Variants in PPM1F observed in about 807,000 individuals in gnomAD.
PPM1F encodes the protein protein phosphatase 1F.
A neutral mutation model predicts 35.5 loss-of-function variants in PPM1F; 17 were observed. That is an observed-to-expected ratio of 0.48 (90% CI 0.33 to 0.72). The LOEUF is 0.72. Ranked by LOEUF, PPM1F falls within the 30% of genes least tolerant of loss-of-function variation. PPM1F has a pLI of 0.02. For missense variants in PPM1F, 521 were observed against 613.0 expected (o/e 0.85, Z 1.59); for synonymous variants, 241 against 255.5 (o/e 0.94, Z 0.54).
rs905330711 is a variant in PPM1F, at chr22:21,920,862, G to A, written c.*2230C>T. 6.6e-6 allele frequency: 1 copy of A among 152,186 alleles called. No homozygotes were observed. The highest frequency in any genetic ancestry group is 2.4e-5 in the African/African-American group (1 of 41,440). 9.4% of individuals were successfully genotyped at this position (152,186 alleles called of 1,614,324 possible). ...CAGATGCCAATCATTCTCTCTCTTC[G>A]TCAAGGTTATGCCCACGGGCAGGGT... On this transcript the variant is annotated 3_prime_UTR_variant, in exon 8 of 8. Transcript: ENST00000263212.
intron 3 of PPM1F, chr22:21,938,163 T>C (rs941249454): frequency 3.1e-6 from 4 of 1,303,232 alleles, no homozygotes; most frequent in Non-Finnish European, 4.0e-6. Flanking sequence ...GCCCCGAGCG[T>C]AGGACTGGGC....
Position 21,922,899 on chromosome 22 carries a change from G to GC in PPM1F, c.*192dup. On this transcript the variant is annotated 3_prime_UTR_variant, in exon 8 of 8. Transcript: ENST00000263212. The stretch of plus-strand genomic sequence containing the variant: ...TCTCCTAAGCTGCCTTCCACCATCT[G>GC]CCCGCCACCCAGTGCAGTTCCACAG... The GC allele has an allele frequency of 5.8e-6, 4 of 692,542 alleles. No individual in the cohort carries two copies. The highest frequency in any genetic ancestry group is 4.8e-6 in the Non-Finnish European group (2 of 413,026). 42.9% of individuals were successfully genotyped at this position (692,542 alleles called of 1,614,324 possible).
At chr22:21,930,574 G>A (rs944020277) in intron 6 of PPM1F, among the ~76,000 whole-genome samples, 3 of 152,230 alleles carry the variant, frequency 2.0e-5, no homozygotes, top group African/African-American at 7.2e-5. Flanking sequence ...ATAGCTGGTG[G>A]AGAACAGCAC....
intron 3 of PPM1F, 45 bp from the exon 4 acceptor site, chr22:21,934,271 C>G: frequency 1.3e-6 from 2 of 1,498,602 alleles, no homozygotes; most frequent in Non-Finnish European, 1.8e-6. Context: ...GCCAACCAAG[C>G]CAGCTGAGGC....
At chr22:21,925,913 C>T (rs372472264) in intron 6 of PPM1F, 108 of 421,040 alleles carry the variant, frequency 2.6e-4, no homozygotes, top group African/African-American at 1.8e-3. Flanking sequence ...GGCCGCCTAG[C>T]GGTGCCTGCG....
At chr22:21,950,889 T>C (rs1188245027) in intron 1 of PPM1F, 4 of 151,912 alleles carry the variant, frequency 2.6e-5, no homozygotes, top group African/African-American at 9.7e-5. Flanking sequence ...CCTCCCAAAG[T>C]GCTGTGATTA....
chr22:21,932,976 C>G (rs753679240), intron 5 of PPM1F, among the ~76,000 whole-genome samples: 3 of 152,204 alleles, frequency 2.0e-5, no homozygotes, highest in African/African-American at 7.2e-5. Context: ...CTCTGCGCCC[C>G]GACTACCTCA....
At chr22:21,935,132 T>A (rs1038308360) in intron 3 of PPM1F, 1 of 152,042 alleles carries the variant, frequency 6.6e-6, no homozygotes, top group Non-Finnish European at 1.5e-5. Flanking sequence ...GTGGAAATGG[T>A]TAAACAAACC....
chr22:21,945,619 C>G, intron 2 of PPM1F: 1 of 533,006 alleles, frequency 1.9e-6, no homozygotes, highest in Admixed American at 3.7e-5. Context: ...ATCTTGGACT[C>G]TGGCCTCCAG....
At chr22:21,943,654 T>G (rs1405523864) in intron 2 of PPM1F, 2 of 152,548 alleles carry the variant, frequency 1.3e-5, no homozygotes, top group Non-Finnish European at 2.9e-5. Flanking sequence ...GCAGGTCACC[T>G]GCACTGCCTA....
At chr22:21,931,327 G>A (rs545892614) in intron 5 of PPM1F, 36 bp from the exon 6 acceptor site, 3 of 1,592,768 alleles carry the variant, frequency 1.9e-6, no homozygotes, top group East Asian at 2.2e-5. Context: ...GTTGAGAGGA[G>A]GTAGGGAAGG....
At position 21,933,428 on chromosome 22, in the gene PPM1F, C is replaced by T. The variant is rs140855421; in HGVS notation, c.710G>A (p.Arg237His). 79 of 1,612,182 alleles carry T rather than the reference C, an allele frequency of 4.9e-5. No individual in the cohort carries two copies. The highest frequency in any genetic ancestry group is 7.7e-5 in the South Asian group (7 of 91,074). Residue 237 changes from arginine (R) to histidine (H), a missense_variant, in exon 5 of 8, where the codon CGC (arginine) becomes CAC (histidine). Transcript: ENST00000263212. ...PEGALREAFR[R>H]TDQMFLRKAK... Reference sequence around the variant, plus strand: ...TTTCCTGAGAAACATCTGGTCGGTGCGCCGGAAGGCTTCTCTGAGGGCTCC... The same window carrying T: ...TTTCCTGAGAAACATCTGGTCGGTGTGCCGGAAGGCTTCTCTGAGGGCTCC...
At position 21,923,584 on chromosome 22, in the gene PPM1F, A is replaced by G. The variant is rs1304645319; in HGVS notation, c.986-113T>C. On this transcript the variant is annotated intron_variant, in intron 7 of 7. Coordinates refer to ENST00000263212, the MANE Select transcript of PPM1F (RefSeq NM_014634.4). ...CAGGGACAGAGACCAACCTGCTCTC[A>G]TGGGGTCTGGGGTCTGTTGCTCCCT... 8 of 1,217,786 alleles carry G rather than the reference A, an allele frequency of 6.6e-6. No individual in the cohort carries two copies. The Admixed American group carries it at 8.1e-5, about 12-fold the overall frequency. 75.4% of individuals were successfully genotyped at this position (1,217,786 alleles called of 1,614,324 possible).
chr22:21,932,412 G>C (rs990300280), intron 5 of PPM1F, among the ~76,000 whole-genome samples: 2 of 152,184 alleles, frequency 1.3e-5, no homozygotes, highest in African/African-American at 4.8e-5. Flanking sequence ...AGATTGCATG[G>C]TTTTCTATTG....
At chr22:21,937,920 A>G in intron 3 of PPM1F, 1 of 387,440 alleles carries the variant, frequency 2.6e-6, no homozygotes, top group East Asian at 1.1e-4. Flanking sequence ...CAGAGGTTTC[A>G]GCCACTCGCT....
chr22:21,945,800 C>A, intron 2 of PPM1F, 43 bp downstream of exon 2: 1 of 1,586,800 alleles, frequency 6.3e-7, no homozygotes. Flanking sequence ...GCCCTGGTGC[C>A]GTGCCCTTAC....
At chr22:21,928,951 G>A (rs2070554129) in intron 6 of PPM1F, among the ~76,000 whole-genome samples, 1 of 152,180 alleles carries the variant, frequency 6.6e-6, no homozygotes, top group East Asian at 1.9e-4. Flanking sequence ...AGTATCTTGT[G>A]CAGAGTGGGC....
intron 3 of PPM1F, chr22:21,937,972 C>G: frequency 1.4e-6 from 1 of 735,560 alleles, no homozygotes; most frequent in Non-Finnish European, 1.9e-6. Flanking sequence ...CCCACTCTGA[C>G]GCAATTTTGT....
chr22:21,929,609 C>T (rs756076858), intron 6 of PPM1F, among the ~76,000 whole-genome samples: 2 of 152,306 alleles, frequency 1.3e-5, no homozygotes, highest in Admixed American at 6.5e-5. Flanking sequence ...CCTGACTTGG[C>T]CACATTTCAT....
Sources: gnomAD v4.1 joint callset for allele counts (sites outside exome capture counted in the v4.1 genomes callset) on GRCh38, gnomAD v4.1.1 for gene constraint, MANE v1.5 for transcripts, NCBI Gene and HGNC (gene_info 2026-07-23, HGNC 2026-07-21) for gene names.